The following HCST variants were observed in gnomAD, a reference collection of about 807,000 sequenced individuals.
The protein encoded by HCST is hematopoietic cell signal transducer, also known as DNAX-activation protein 10.
HCST carries 12 observed loss-of-function variants against 10.8 expected under a neutral mutation model. The observed-to-expected ratio is 1.12, with a 90% confidence interval of 0.72 to 1.81. The LOEUF is 1.81. Among genes scored for constraint, HCST ranks in the 40% most tolerant of loss-of-function variants. HCST has a pLI of 0.00. For missense variants in HCST, 102 were observed against 117.9 expected, an observed-to-expected ratio of 0.87 and a Z score of 0.62; for synonymous variants, 59 against 51.6, an observed-to-expected ratio of 1.14 and a Z score of -0.61.
At position 35,903,903 on chromosome 19, in the gene HCST, G is replaced by A. The variant is rs200170675; in HGVS notation, c.241G>A (p.Glu81Lys). 3.2e-4 allele frequency: 517 copies of A among 1,610,484 alleles called. 2 individuals are homozygous for A. The African/African-American group carries it at 6.1e-3, about 19-fold the overall frequency. Residue 81 changes from glutamate to lysine, a missense_variant and splice_region_variant, in exon 3 of 4, where the codon GAA becomes AAA. Glu to Lys is a moderately conservative substitution (Grantham distance 56, BLOSUM62 1). Transcript: ENST00000246551. ...ACGCCCACGCCGCAGCCCCGCCCAAGGTGAGGGCGGAGATGGGCGGGGCCT... is the reference window on the plus strand; with the variant it reads ...ACGCCCACGCCGCAGCCCCGCCCAAAGTGAGGGCGGAGATGGGCGGGGCCT... The part of the protein sequence containing the change: ...CARPRRSPAQ[E>K]DGKVYINMPG...
Position 35,904,319 on chromosome 19 carries a change from C to A in HCST, c.*159C>A. On this transcript the variant is annotated 3_prime_UTR_variant, in exon 4 of 4. Transcript: ENST00000246551. ...GAACCCCAGAGTTCCCAAAGCCTCC[C>A]TCCCATGAACTGTTTCTGGATCCAA... 1.2e-6 allele frequency: 1 copy of A among 860,596 alleles called. No homozygotes were observed. The allele number at this position is 860,596 out of a possible 1,614,324, so 53.3% of individuals were successfully genotyped here. A position where few individuals can be genotyped will look rare whatever the true frequency, so the allele number is the denominator to read the frequency against.
intron 2 of HCST, 163 bp from the exon 3 acceptor site, chr19:35,903,609 C>A: frequency 8.8e-7 from 1 of 1,134,498 alleles, no homozygotes; most frequent in Non-Finnish European, 1.3e-6. Context: ...TCCTGGGACA[C>A]CCCAGCCTCT....
rs1337203604 is a variant in HCST at position 35,903,868 on chromosome 19, T to C, written c.206T>C (p.Phe69Ser). Residue 69 changes from phenylalanine (F) to serine (S), a missense_variant, in exon 3 of 4, where the codon TTC (phenylalanine) becomes TCC (serine). Physicochemically the swap from Phe to Ser is radical, Grantham distance 155. Transcript: ENST00000246551. Reference protein sequence around the residue: ...VASLLIVGAVFLCARPRRSPA... With the variant: ...VASLLIVGAVSLCARPRRSPA... ...TCGCTGCTCATCGTGGGGGCGGTGTTCCTGTGCGCACGCCCACGCCGCAGC... is the reference window on the plus strand; with the variant it reads ...TCGCTGCTCATCGTGGGGGCGGTGTCCCTGTGCGCACGCCCACGCCGCAGC... The C allele has an allele frequency of 4.3e-6, 7 of 1,613,048 alleles. No homozygotes were observed. The highest frequency in any genetic ancestry group is 5.9e-6 in the Non-Finnish European group (7 of 1,179,856).
In HCST at chr19:35,903,370, T is replaced by C. The variant is rs33964243; in HGVS notation, c.63T>C (p.Thr21=). The part of the protein sequence containing the change: ...LLLPVAAAQT[T]PGERSSLPAF... ...CCACAGTGGCTGCAGCTCAGACGACTCCAGGAGAGAGATCATCACTCCCTG... is the reference window on the plus strand; with the variant it reads ...CCACAGTGGCTGCAGCTCAGACGACCCCAGGAGAGAGATCATCACTCCCTG... The change falls in exon 2 of 4, where the codon ACT becomes ACC. Residue 21 remains threonine (T), a synonymous_variant. Transcript: ENST00000246551. 0.035 allele frequency: 56,985 copies of C among 1,613,464 alleles called. 6,275 individuals carry two copies. In the African/African-American group the frequency reaches 0.39, roughly 11 times the overall value.
chr19:35,903,863 G>T lies in HCST; in HGVS notation c.201G>T (p.Ala67=). 6.2e-7 allele frequency: 1 copy of T among 1,613,172 alleles called. No individual in the cohort carries two copies. The highest frequency in any genetic ancestry group is 1.1e-5 in the South Asian group (1 of 91,048). Residue 67 remains alanine, a synonymous_variant, in exon 3 of 4, where the codon GCG becomes GCT. Transcript: ENST00000246551. ...TGGCATCGCTGCTCATCGTGGGGGC[G>T]GTGTTCCTGTGCGCACGCCCACGCC... ...DAVASLLIVG[A]VFLCARPRRS...
chr19:35,903,878 ACGCCCACGCCGCAGCCC>A lies in HCST; in HGVS notation c.223_239del (p.Ser77TrpfsTer51). The A allele has an allele frequency of 6.2e-7, 1 of 1,612,206 alleles. No individual in the cohort carries two copies. The highest frequency in any genetic ancestry group is 2.2e-5 in the East Asian group (1 of 44,866). On this transcript the variant is annotated frameshift_variant, in exon 3 of 4. Transcript: ENST00000246551. LOFTEE classifies it high-confidence loss of function. ...TCGTGGGGGCGGTGTTCCTGTGCGC[ACGCCCACGCCGCAGCCC>A]CGCCCAAGGTGAGGGCGGAGATGGG...
chr19:35,902,742 C>A (rs954161661), intron 1 of HCST, 106 bp downstream of exon 1: 2 of 1,145,894 alleles, frequency 1.7e-6, no homozygotes, highest in African/African-American at 1.5e-5. Context: ...TCTCCCTGCA[C>A]CCCTTCCCTT....
intron 2 of HCST, 70 bp downstream of exon 2, chr19:35,903,486 C>A: frequency 7.5e-7 from 1 of 1,327,580 alleles, no homozygotes; most frequent in Non-Finnish European, 1.1e-6. Context: ...AGGTCACCAT[C>A]CCACCTCCCG....
At position 35,903,380 on chromosome 19, in the gene HCST, A is replaced by G; in HGVS notation, c.73A>G (p.Arg25Gly). ...VAAAQTTPGERSSLPAFYPGT... is the reference protein window; with the variant it reads ...VAAAQTTPGEGSSLPAFYPGT... Reference sequence around the variant, plus strand: ...TGCAGCTCAGACGACTCCAGGAGAGAGATCATCACTCCCTGCCTTTTACCC... The same window carrying G: ...TGCAGCTCAGACGACTCCAGGAGAGGGATCATCACTCCCTGCCTTTTACCC... The change falls in exon 2 of 4, where the codon AGA becomes GGA. Residue 25 changes from arginine to glycine, a missense_variant. By Grantham distance (125) the Arg-to-Gly change is moderately radical. Coordinates refer to ENST00000246551, the MANE Select transcript of HCST (RefSeq NM_014266.4). 1 of 1,613,826 alleles carries G rather than the reference A, an allele frequency of 6.2e-7. No homozygotes were observed. The highest frequency in any genetic ancestry group is 8.5e-7 in the Non-Finnish European group (1 of 1,179,908).
At chr19:35,903,279 C>G in intron 1 of HCST, 72 bp from the exon 2 acceptor site, 1 of 1,355,170 alleles carries the variant, frequency 7.4e-7, no homozygotes, top group South Asian at 1.2e-5. Flanking sequence ...GCGTGAGCCA[C>G]GGTGCCAGGC....
Position 35,903,812 on chromosome 19 carries a change from G to T in HCST, c.150G>T (p.Leu50=). The part of the protein sequence containing the change: ...SGCGSLSLPL[L]AGLVAADAVA... ...GTGGGTCCCTCTCTCTGCCGCTCCT[G>T]GCAGGCCTCGTGGCTGCTGATGCGG... The change falls in exon 3 of 4, where the codon CTG becomes CTT. Residue 50 remains leucine, a synonymous_variant. Coordinates refer to ENST00000246551, the MANE Select transcript of HCST (RefSeq NM_014266.4). The T allele has an allele frequency of 6.2e-7, 1 of 1,614,072 alleles. No individual in the cohort carries two copies. Among genetic ancestry groups the T allele is most frequent in the Non-Finnish European group, 8.5e-7 (1 of 1,180,022 alleles).
In HCST at chr19:35,903,844, C is replaced by A. The variant is rs141357331; in HGVS notation, c.182C>A (p.Ser61Ter). Residue 61 changes from serine (S) to a stop codon, truncating the protein, a stop_gained, in exon 3 of 4, where the codon TCG (serine) becomes TAG (stop). Transcript: ENST00000246551. LOFTEE classifies it high-confidence loss of function. The part of the protein sequence containing the change: ...AGLVAADAVA[S>*]LLIVGAVFLC... ...CTCGTGGCTGCTGATGCGGTGGCATCGCTGCTCATCGTGGGGGCGGTGTTC... is the reference window on the plus strand; with the variant it reads ...CTCGTGGCTGCTGATGCGGTGGCATAGCTGCTCATCGTGGGGGCGGTGTTC... 1.9e-6 allele frequency: 3 copies of A among 1,613,680 alleles called. No homozygotes were observed. The highest frequency in any genetic ancestry group is 1.1e-5 in the South Asian group (1 of 91,070).
At chr19:35,903,749 C>T (rs1385071960) in intron 2 of HCST, 23 bp from the exon 3 acceptor site, 3 of 1,614,012 alleles carry the variant, frequency 1.9e-6, no homozygotes, top group Non-Finnish European at 2.5e-6. Flanking sequence ...AGTTGTCTCC[C>T]TGTTCCGGCC....
At chr19:35,903,635 G>C (rs1421634195) in intron 2 of HCST, 137 bp from the exon 3 acceptor site, 1 of 1,295,274 alleles carries the variant, frequency 7.7e-7, no homozygotes, top group African/African-American at 1.5e-5. Flanking sequence ...TCTGTCTCCC[G>C]TTTCATTCCC....
At chr19:35,902,759 G>A in intron 1 of HCST, 123 bp downstream of exon 1, 1 of 996,708 alleles carries the variant, frequency 1.0e-6, no homozygotes, top group East Asian at 2.5e-5. Context: ...CCTTCTGGGA[G>A]ATCCATTCTG....
In HCST at chr19:35,903,814, C is replaced by A; in HGVS notation, c.152C>A (p.Ala51Glu). The A allele has an allele frequency of 6.2e-7, 1 of 1,614,056 alleles. No individual in the cohort carries two copies. Among genetic ancestry groups the A allele is most frequent in the East Asian group, 2.2e-5 (1 of 44,890 alleles). Residue 51 changes from alanine (A) to glutamate (E), a missense_variant, in exon 3 of 4, where the codon GCA (alanine) becomes GAA (glutamate). Coordinates refer to ENST00000246551, the MANE Select transcript of HCST (RefSeq NM_014266.4). ...GCGSLSLPLLAGLVAADAVAS... is the reference protein window; with the variant it reads ...GCGSLSLPLLEGLVAADAVAS... ...GGGTCCCTCTCTCTGCCGCTCCTGG[C>A]AGGCCTCGTGGCTGCTGATGCGGTG...
In HCST at chr19:35,904,232, C is replaced by T. The variant is rs577447631; in HGVS notation, c.*72C>T. The T allele has an allele frequency of 2.7e-6, 4 of 1,466,816 alleles. No homozygotes were observed. Among genetic ancestry groups the T allele is most frequent in the East Asian group, 4.5e-5 (2 of 44,112 alleles). 90.9% of individuals were successfully genotyped at this position (1,466,816 alleles called of 1,614,324 possible). ...TGGTGTGTGGTGGCACAGGAACCCC[C>T]GCCCCAACTTTTGGATTGTAATAAA... On this transcript the variant is annotated 3_prime_UTR_variant, in exon 4 of 4. Transcript: ENST00000246551.
intron 1 of HCST, 165 bp downstream of exon 1, chr19:35,902,801 G>C: frequency 3.0e-6 from 2 of 671,954 alleles, no homozygotes; most frequent in South Asian, 3.7e-5. Flanking sequence ...GGGCGGAAGG[G>C]GGTGAGACAG....
intron 2 of HCST, 25 bp from the exon 3 acceptor site, chr19:35,903,747 C>G: frequency 1.9e-6 from 3 of 1,614,008 alleles, no homozygotes; most frequent in Non-Finnish European, 1.7e-6. Context: ...TGAGTTGTCT[C>G]CCTGTTCCGG....
Sources: allele counts gnomAD v4.1 joint callset, GRCh38; gene constraint gnomAD v4.1.1; transcripts MANE v1.5; gene names NCBI Gene and HGNC (gene_info 2026-07-23, HGNC 2026-07-21).